The following B3GLCT variants were observed in gnomAD, a reference collection of about 807,000 sequenced individuals.
The protein encoded by B3GLCT is beta 3-glucosyltransferase, also known as beta-1,3-glucosyltransferase.
A neutral mutation model predicts 63.4 loss-of-function variants in B3GLCT; 65 were observed. The observed-to-expected ratio is 1.03, with a 90% CI of 0.84 to 1.26. B3GLCT has a LOEUF of 1.26. Among genes scored for constraint, B3GLCT ranks in the 50% most tolerant of loss-of-function variants. The pLI is 0.00. For synonymous variants in B3GLCT, 233 were observed against 219.2 expected, an observed-to-expected ratio of 1.06 and a Z score of -0.55; for missense variants, 577 against 604.8, an observed-to-expected ratio of 0.95 and a Z score of 0.48.
chr13:31,266,437 T>C (rs1234768002), intron 7 of B3GLCT, among the ~76,000 whole-genome samples: 1 of 152,250 alleles, frequency 6.6e-6, no homozygotes, highest in African/African-American at 2.4e-5. Context: ...CTGGCTTTCA[T>C]TGGTTTTTTG....
At chr13:31,235,929 C>T (rs1403144094) in intron 4 of B3GLCT, among the ~76,000 whole-genome samples, 2 of 152,094 alleles carry the variant, frequency 1.3e-5, no homozygotes, top group East Asian at 1.9e-4. Flanking sequence ...TGTCCTTTTG[C>T]GACTGGCTTC....
intron 12 of B3GLCT, among the ~76,000 whole-genome samples, chr13:31,298,730 C>T (rs1318195911): frequency 6.6e-6 from 1 of 152,310 alleles, no homozygotes; most frequent in Non-Finnish European, 1.5e-5. Flanking sequence ...CAGGTACCTT[C>T]TCCTCAGCCT....
intron 10 of B3GLCT, among the ~76,000 whole-genome samples, chr13:31,278,679 C>G (rs964724759): frequency 2.0e-5 from 3 of 152,336 alleles, no homozygotes; most frequent in South Asian, 2.1e-4. Flanking sequence ...CAAGCCACCA[C>G]TGGGCTCTGC....
intron 7 of B3GLCT, among the ~76,000 whole-genome samples, chr13:31,268,008 A>T (rs963643433): frequency 2.0e-5 from 3 of 151,734 alleles, no homozygotes; most frequent in Non-Finnish European, 4.4e-5. Context: ...CTAACTTAAA[A>T]ATTTTTTTTT....
chr13:31,255,994 A>G (rs962792711), intron 6 of B3GLCT, among the ~76,000 whole-genome samples: 1 of 152,246 alleles, frequency 6.6e-6, no homozygotes. Context: ...AACTATCATC[A>G]GACCAAACAT....
At chr13:31,251,059 T>C (rs1443085417) in intron 6 of B3GLCT, among the ~76,000 whole-genome samples, 2 of 152,134 alleles carry the variant, frequency 1.3e-5, no homozygotes, top group Non-Finnish European at 2.9e-5. Context: ...CCACCGGGGA[T>C]ACCCAGGCAA....
intron 12 of B3GLCT, among the ~76,000 whole-genome samples, chr13:31,294,223 C>T (rs1467893581): frequency 6.6e-6 from 1 of 152,188 alleles, no homozygotes; most frequent in Non-Finnish European, 1.5e-5. Flanking sequence ...CCCGACGTTT[C>T]TCTCTGGCTG....
At chr13:31,244,216 G>A (rs1267556148) in intron 4 of B3GLCT, among the ~76,000 whole-genome samples, 1 of 152,174 alleles carries the variant, frequency 6.6e-6, no homozygotes, top group African/African-American at 2.4e-5. Context: ...TTGAGACTGG[G>A]CACGGTGGCT....
chr13:31,214,227 T>C (rs1198301250), intron 1 of B3GLCT, among the ~76,000 whole-genome samples: 1 of 152,246 alleles, frequency 6.6e-6, no homozygotes, highest in East Asian at 1.9e-4. Flanking sequence ...GGAGTGCTAA[T>C]TGGAGAAAGT....
intron 4 of B3GLCT, among the ~76,000 whole-genome samples, chr13:31,246,664 T>G (rs1871204863): frequency 1.5e-5 from 2 of 133,906 alleles, no homozygotes; most frequent in African/African-American, 5.0e-5. Context: ...CTCTGAGTTA[T>G]CCCTGACTAC....
intron 12 of B3GLCT, among the ~76,000 whole-genome samples, chr13:31,315,149 T>C (rs1162024837): frequency 6.6e-6 from 1 of 152,208 alleles, no homozygotes; most frequent in East Asian, 1.9e-4. Context: ...ATTACATTGG[T>C]ACCAGGAGTG....
chr13:31,205,871 AAAAC>A (rs1868923869), intron 1 of B3GLCT, among the ~76,000 whole-genome samples: 1 of 152,282 alleles, frequency 6.6e-6, no homozygotes, highest in Admixed American at 6.5e-5. Flanking sequence ...AATAAAAACA[AAAAC>A]AAGTATAAGT....
intron 6 of B3GLCT, among the ~76,000 whole-genome samples, chr13:31,254,167 A>T (rs1234926278): frequency 6.6e-6 from 1 of 152,190 alleles, no homozygotes; most frequent in East Asian, 1.9e-4. Context: ...ATCCTCCCTA[A>T]CTCATTTTAT....
At chr13:31,206,724 G>A (rs767619596) in intron 1 of B3GLCT, among the ~76,000 whole-genome samples, 56 of 152,022 alleles carry the variant, frequency 3.7e-4, no homozygotes, top group African/African-American at 1.0e-3. Context: ...GCGACAGTGC[G>A]AGACTCCATC....
intron 4 of B3GLCT, among the ~76,000 whole-genome samples, chr13:31,246,621 T>C (rs1316223634): frequency 6.6e-6 from 1 of 152,200 alleles, no homozygotes; most frequent in Non-Finnish European, 1.5e-5. Flanking sequence ...ATGTTCCATA[T>C]GTTGTATATA....
chr13:31,246,686 T>C (rs571839824), intron 4 of B3GLCT, among the ~76,000 whole-genome samples: 1 of 152,320 alleles, frequency 6.6e-6, no homozygotes, highest in East Asian at 1.9e-4. Flanking sequence ...TCCCCCAGGC[T>C]CTTCCCTTCA....
rs147260060 is a variant in B3GLCT at position 31,276,572 on chromosome 13, T to G, written c.781-130T>G. 8.0e-4 allele frequency: 567 copies of G among 709,876 alleles called. 2 individuals carry two copies. The African/African-American group carries it at 8.9e-3, about 11-fold the overall frequency. The allele number at this position is 709,876 out of a possible 1,614,324, so 44.0% of individuals were successfully genotyped here. On this transcript the variant is annotated intron_variant, in intron 9 of 14. Coordinates refer to ENST00000343307, the MANE Select transcript of B3GLCT (RefSeq NM_194318.4). ...TATGTTTCCATTTCTCCCCTAAAACTTTATGCCGGAAATATGTTTGGTATC... is the reference window on the plus strand; with the variant it reads ...TATGTTTCCATTTCTCCCCTAAAACGTTATGCCGGAAATATGTTTGGTATC...
chr13:31,210,879 G>C (rs1371323169), intron 1 of B3GLCT, among the ~76,000 whole-genome samples: 1 of 151,998 alleles, frequency 6.6e-6, no homozygotes, highest in Non-Finnish European at 1.5e-5. Context: ...CAAGTAGCTG[G>C]GACTACAGGT....
chr13:31,267,315 G>A (rs17075734), intron 7 of B3GLCT, among the ~76,000 whole-genome samples: 6,483 of 152,246 alleles, frequency 0.043, 485 homozygotes, highest in African/African-American at 0.15. Flanking sequence ...CAATAAGCCC[G>A]GGTATGACTT....
Sources: allele counts gnomAD v4.1 joint callset (sites outside exome capture counted in the v4.1 genomes callset), GRCh38; gene constraint gnomAD v4.1.1; transcripts MANE v1.5; gene names NCBI Gene and HGNC (gene_info 2026-07-23, HGNC 2026-07-21).